SSH2: variants seen among roughly 807,000 people sequenced by gnomAD.
SSH2 encodes the protein slingshot protein phosphatase 2, also known as protein phosphatase Slingshot homolog 2.
A neutral mutation model predicts 135.2 loss-of-function variants in SSH2; 37 were observed. That is an observed-to-expected ratio of 0.27 (90% CI 0.21 to 0.36). The LOEUF is 0.36. Among genes scored for constraint, SSH2 ranks in the 10% least tolerant of loss-of-function variants. The pLI, the probability that SSH2 is intolerant of heterozygous loss-of-function variation, is 1.00. For synonymous variants in SSH2, 628 were observed against 646.2 expected, an observed-to-expected ratio of 0.97 and a Z score of 0.43; for missense variants, 1,408 against 1,765.3, an observed-to-expected ratio of 0.80 and a Z score of 3.63.
At chr17:29,640,726 G>A (rs532437208) in intron 14 of SSH2, 5 of 152,248 alleles carry the variant, frequency 3.3e-5, no homozygotes, top group South Asian at 2.1e-4. Flanking sequence ...GCTACTCCAC[G>A]TGTCACTTCT....
rs1597536448 is a variant in SSH2, at chr17:29,930,057, G to C, written c.-57C>G. The C allele has an allele frequency of 4.1e-6, 6 of 1,463,408 alleles. No homozygotes were observed. In the East Asian group the frequency reaches 1.2e-4, roughly 30 times the overall value. 90.7% of individuals were successfully genotyped at this position (1,463,408 alleles called of 1,614,324 possible). The stretch of plus-strand genomic sequence containing the variant: ...ATTCTTGTCCTGAGTGTGGGGGACG[G>C]GAGGGTGACGGAGCCGGGATGGGGA... On this transcript the variant is annotated 5_prime_UTR_variant, in exon 1 of 16. Coordinates refer to ENST00000540801, the MANE Select transcript of SSH2 (RefSeq NM_001282129.2).
rs11449000 is a variant in SSH2 at position 29,725,347 on chromosome 17, C to CAAAA, written c.189-22289_189-22286dup. On this transcript the variant is annotated intron_variant, in intron 3 of 15. Coordinates refer to ENST00000540801, the MANE Select transcript of SSH2 (RefSeq NM_001282129.2). ...GGGCGACACAGCAAGAATCAGTCTC[C>CAAAA]AAAAAAAAAAAAAAAAAAAAAAGCC... 1.2e-3 allele frequency among the ~76,000 whole-genome samples: 62 copies of CAAAA among 52,690 alleles called. 7 individuals carry two copies. The highest frequency in any genetic ancestry group is 1.6e-3 in the African/African-American group (19 of 11,634). The allele number at this position is 52,690 out of a possible 152,430, so 34.6% of individuals were successfully genotyped here. A position where few individuals can be genotyped will look rare whatever the true frequency, so the allele number is the denominator to read the frequency against.
chr17:29,814,923 TG>T (rs1240009908), intron 2 of SSH2, among the ~76,000 whole-genome samples: 1 of 151,294 alleles, frequency 6.6e-6, no homozygotes, highest in Non-Finnish European at 1.5e-5. Context: ...ATGGGGAAAA[TG>T]TATAAATTAC....
intron 12 of SSH2, among the ~76,000 whole-genome samples, chr17:29,652,889 C>T (rs2036634335): frequency 6.6e-6 from 1 of 152,158 alleles, no homozygotes; most frequent in African/African-American, 2.4e-5. Flanking sequence ...AACTCCTGAC[C>T]TTGTGGTCTG....
At chr17:29,789,081 T>G (rs2042020014) in intron 3 of SSH2, among the ~76,000 whole-genome samples, 1 of 152,234 alleles carries the variant, frequency 6.6e-6, no homozygotes, top group South Asian at 2.1e-4. Flanking sequence ...TGTTCTAGTA[T>G]TTTGTGGAAG....
chr17:29,840,495 A>G (rs556565532), intron 2 of SSH2, among the ~76,000 whole-genome samples: 1 of 152,342 alleles, frequency 6.6e-6, no homozygotes, highest in African/African-American at 2.4e-5. Context: ...TGTCTAAGAG[A>G]ATATTTTTGG....
At chr17:29,867,594 C>A (rs2065874793) in intron 1 of SSH2, among the ~76,000 whole-genome samples, 1 of 152,096 alleles carries the variant, frequency 6.6e-6, no homozygotes, top group South Asian at 2.1e-4. Context: ...TTTAGAGAAA[C>A]TAAGCAACTT....
At chr17:29,838,031 G>A (rs554643275) in intron 2 of SSH2, among the ~76,000 whole-genome samples, 2 of 152,362 alleles carry the variant, frequency 1.3e-5, no homozygotes, top group African/African-American at 4.8e-5. Context: ...AACCTCGGCT[G>A]CAGACCCAGG....
chr17:29,669,664 T>C (rs1384320444), intron 9 of SSH2, among the ~76,000 whole-genome samples: 1 of 152,174 alleles, frequency 6.6e-6, no homozygotes. Flanking sequence ...ACAGCTTTCA[T>C]GTATTCTTTT....
chr17:29,737,920 C>CTTTTTTAT (rs151317021), intron 3 of SSH2, among the ~76,000 whole-genome samples: 2 of 150,596 alleles, frequency 1.3e-5, no homozygotes, highest in Non-Finnish European at 3.0e-5. Context: ...GAGAAAGTCT[C>CTTTTTTAT]TTATTTATTT....
Position 29,863,067 on chromosome 17 carries a change from G to GTT in SSH2, c.64-14140_64-14139dup, listed in dbSNP as rs113483873. 1.3e-4 allele frequency among the ~76,000 whole-genome samples: 19 copies of GTT among 149,236 alleles called. 1 individual carries two copies. Among genetic ancestry groups the GTT allele is most frequent in the Admixed American group, 8.0e-4 (12 of 14,958 alleles). On this transcript the variant is annotated intron_variant, in intron 1 of 15. Coordinates refer to ENST00000540801, the MANE Select transcript of SSH2 (RefSeq NM_001282129.2). ...TGGCTTTTGCATTTTAAAAAGGATT[G>GTT]TTTTTTTTTTAAAAAAAAGGACAAA...
chr17:29,685,958 C>T (rs967008196), intron 5 of SSH2, among the ~76,000 whole-genome samples: 8 of 151,040 alleles, frequency 5.3e-5, no homozygotes, highest in African/African-American at 1.9e-4. Flanking sequence ...AAGCGATTCT[C>T]CTGCCTCAGC....
chr17:29,877,899 A>C (rs2066064295), intron 1 of SSH2, among the ~76,000 whole-genome samples: 1 of 152,146 alleles, frequency 6.6e-6, no homozygotes, highest in African/African-American at 2.4e-5. Context: ...CCTGGGCAAC[A>C]TATTAAGACC....
intron 14 of SSH2, chr17:29,645,163 T>C (rs1390518477): frequency 6.6e-6 from 1 of 152,196 alleles, no homozygotes; most frequent in East Asian, 1.9e-4. Context: ...TTCAAACACA[T>C]TTTTATTCAC....
intron 3 of SSH2, among the ~76,000 whole-genome samples, chr17:29,753,621 C>T (rs113271474): frequency 6.6e-6 from 1 of 151,012 alleles, no homozygotes; most frequent in Non-Finnish European, 1.5e-5. Flanking sequence ...CATGGTGAAA[C>T]CCCGTCTGTA....
intron 3 of SSH2, among the ~76,000 whole-genome samples, chr17:29,789,096 A>T (rs1362468448): frequency 1.3e-5 from 2 of 152,234 alleles, no homozygotes; most frequent in East Asian, 1.9e-4. Flanking sequence ...TGGAAGGTAG[A>T]ACTTGCAACA....
chr17:29,745,164 CTT>C (rs201394327), intron 3 of SSH2, among the ~76,000 whole-genome samples: 5 of 144,512 alleles, frequency 3.5e-5, no homozygotes, highest in Non-Finnish European at 3.1e-5. Context: ...TTTCGTTTTT[CTT>C]TTTTTTTTTT....
At chr17:29,715,264 G>A (rs75384530) in intron 3 of SSH2, among the ~76,000 whole-genome samples, 1 of 136,526 alleles carries the variant, frequency 7.3e-6, no homozygotes, top group Non-Finnish European at 1.6e-5. Flanking sequence ...TTTTTTTTTT[G>A]AGATGGAGTC....
chr17:29,845,609 AT>A (rs888703071), intron 2 of SSH2, among the ~76,000 whole-genome samples: 20 of 152,090 alleles, frequency 1.3e-4, no homozygotes, highest in African/African-American at 4.6e-4. Flanking sequence ...GTTTCTCTTT[AT>A]TTTTTTTGGA....
Sources: gnomAD v4.1 joint callset for allele counts (sites outside exome capture counted in the v4.1 genomes callset) on GRCh38, gnomAD v4.1.1 for gene constraint, MANE v1.5 for transcripts, NCBI Gene and HGNC (gene_info 2026-07-23, HGNC 2026-07-21) for gene names.